The following LATS1 variants were observed in gnomAD, a reference collection of about 807,000 sequenced individuals.
LATS1 encodes large tumor suppressor kinase 1.
In LATS1, 25 loss-of-function variants were observed where a neutral mutation model predicts 106.6. The ratio of observed to expected loss-of-function variants is 0.23; its 90% CI spans 0.17 to 0.33. The LOEUF is 0.33. Ranked by LOEUF, LATS1 falls within the 10% of genes least tolerant of loss-of-function variation. LATS1 has a pLI of 1.00. For synonymous variants in LATS1, 465 were observed against 455.6 expected (o/e 1.02, Z -0.26); for missense variants, 1,040 against 1,382.6 (o/e 0.75, Z 3.93).
At chr6:149,713,958 G>T (rs550222675) in intron 1 of LATS1, among the ~76,000 whole-genome samples, 9 of 150,962 alleles carry the variant, frequency 6.0e-5, no homozygotes, top group Non-Finnish European at 8.8e-5. Context: ...CACTGCGCAC[G>T]GCCTCTTTTT....
chr6:149,711,678 C>G (rs540908786), intron 1 of LATS1, among the ~76,000 whole-genome samples: 2 of 152,090 alleles, frequency 1.3e-5, no homozygotes, highest in Non-Finnish European at 2.9e-5. Context: ...AAGATTTGTA[C>G]GTTCCAAAGG....
chr6:149,677,533 A>G (rs565764001), intron 5 of LATS1, among the ~76,000 whole-genome samples: 4 of 152,232 alleles, frequency 2.6e-5, no homozygotes, highest in African/African-American at 9.6e-5. Flanking sequence ...ACAGTATCTG[A>G]TTTATGCTTA....
intron 3 of LATS1, among the ~76,000 whole-genome samples, chr6:149,685,864 T>C (rs980314029): frequency 3.3e-5 from 5 of 151,314 alleles, no homozygotes; most frequent in Non-Finnish European, 5.9e-5. Context: ...TCCAGCCACT[T>C]AGGAAAAATA....
chr6:149,682,560 C>T (rs1220105977), intron 4 of LATS1, among the ~76,000 whole-genome samples: 2 of 151,752 alleles, frequency 1.3e-5, no homozygotes, highest in Non-Finnish European at 2.9e-5. Flanking sequence ...TACAGGCGCC[C>T]GCCACCATGC....
chr6:149,691,602 T>A (rs1782755209), intron 3 of LATS1, among the ~76,000 whole-genome samples: 1 of 152,078 alleles, frequency 6.6e-6, no homozygotes, highest in South Asian at 2.1e-4. Context: ...ACCTTATTGG[T>A]TTTCTTCCTT....
At chr6:149,685,268 T>A (rs1165180936) in intron 3 of LATS1, among the ~76,000 whole-genome samples, 1 of 152,132 alleles carries the variant, frequency 6.6e-6, no homozygotes, top group Non-Finnish European at 1.5e-5. Context: ...TTTGAAGAGA[T>A]ATAATTTCAT....
At chr6:149,673,158 A>G (rs1399551296) in intron 7 of LATS1, among the ~76,000 whole-genome samples, 3 of 140,638 alleles carry the variant, frequency 2.1e-5, no homozygotes, top group Middle Eastern at 4.1e-3. Flanking sequence ...GTGCAGTGGT[A>G]TAATCATGGC....
At chr6:149,707,648 A>G (rs187994210) in intron 1 of LATS1, among the ~76,000 whole-genome samples, 10 of 152,328 alleles carry the variant, frequency 6.6e-5, no homozygotes, top group Admixed American at 6.5e-4. Context: ...ATGTGTAACA[A>G]TGTGTTTTAG....
intron 7 of LATS1, among the ~76,000 whole-genome samples, chr6:149,666,139 C>CA (rs35062371): frequency 0.11 from 6,432 of 56,802 alleles, 1,197 homozygotes; most frequent in African/African-American, 0.38. Flanking sequence ...ACTCCGTCTC[C>CA]AAAAAAAAAA....
intron 4 of LATS1, 39 bp from the exon 5 acceptor site, chr6:149,680,496 C>T: frequency 1.5e-6 from 2 of 1,371,700 alleles, no homozygotes; most frequent in Non-Finnish European, 2.0e-6. Context: ...GAATTATCTT[C>T]TTCAATATTG....
intron 1 of LATS1, among the ~76,000 whole-genome samples, chr6:149,704,786 G>C (rs1022094589): frequency 3.3e-5 from 5 of 151,864 alleles, no homozygotes; most frequent in African/African-American, 1.2e-4. Flanking sequence ...ACCCCACCTA[G>C]CCTGAGTAAA....
At chr6:149,673,864 G>A (rs1482008615) in intron 7 of LATS1, among the ~76,000 whole-genome samples, 2 of 151,378 alleles carry the variant, frequency 1.3e-5, no homozygotes, top group African/African-American at 4.9e-5. Flanking sequence ...TAGTAGAGAC[G>A]GGGTTTCACC....
intron 7 of LATS1, among the ~76,000 whole-genome samples, chr6:149,667,252 T>C (rs1163003568): frequency 6.6e-6 from 1 of 151,626 alleles, no homozygotes; most frequent in African/African-American, 2.4e-5. Context: ...CTGGCCAACA[T>C]GGTGAGAACC....
chr6:149,670,877 C>G (rs1781411506), intron 7 of LATS1, among the ~76,000 whole-genome samples: 1 of 151,784 alleles, frequency 6.6e-6, no homozygotes. Flanking sequence ...CAGCCTGTAG[C>G]TTGTCTTTTC....
In LATS1 at chr6:149,717,909, G is replaced by A. The variant is rs111808436; in HGVS notation, c.-201C>T. ...CGGGCCTGAGGGCGGACGCTGAGGCGGCCAGAGTCCGTCCCAGCAACCCCA... is the reference window on the plus strand; with the variant it reads ...CGGGCCTGAGGGCGGACGCTGAGGCAGCCAGAGTCCGTCCCAGCAACCCCA... On this transcript the variant is annotated 5_prime_UTR_variant, in exon 1 of 8. Transcript: ENST00000543571. 1.1e-5 allele frequency: 4 copies of A among 368,198 alleles called. No homozygotes were observed. The highest frequency in any genetic ancestry group is 2.1e-5 in the Non-Finnish European group (4 of 189,318). The allele number at this position is 368,198 out of a possible 1,614,324, so 22.8% of individuals were successfully genotyped here. A position where few individuals can be genotyped will look rare whatever the true frequency, so the allele number is the denominator to read the frequency against.
intron 7 of LATS1, among the ~76,000 whole-genome samples, chr6:149,669,194 C>T (rs569823343): frequency 5.3e-5 from 8 of 151,420 alleles, no homozygotes; most frequent in Non-Finnish European, 8.8e-5. Flanking sequence ...AGTGCAGTGG[C>T]GCCATCTCGG....
chr6:149,689,937 C>G (rs1782628958), intron 3 of LATS1, among the ~76,000 whole-genome samples: 1 of 151,476 alleles, frequency 6.6e-6, no homozygotes, highest in Admixed American at 6.6e-5. Flanking sequence ...CTGGAGTCTT[C>G]CAATTATCTT....
chr6:149,704,884 TTATACACAC>T (rs1562353797), intron 1 of LATS1, among the ~76,000 whole-genome samples: 19 of 71,586 alleles, frequency 2.7e-4, no homozygotes, highest in Admixed American at 2.1e-4. Flanking sequence ...TAGAAATTAA[TTATACACAC>T]ACACACACAC....
intron 3 of LATS1, among the ~76,000 whole-genome samples, chr6:149,692,824 G>A (rs187674593): frequency 6.6e-4 from 101 of 151,966 alleles, no homozygotes; most frequent in African/African-American, 2.4e-3. Flanking sequence ...AGAGACACGC[G>A]CCACCACACC....
Sources: allele counts gnomAD v4.1 joint callset (sites outside exome capture counted in the v4.1 genomes callset), GRCh38; gene constraint gnomAD v4.1.1; transcripts MANE v1.5; gene names NCBI Gene and HGNC (gene_info 2026-07-23, HGNC 2026-07-21).